SMARCAD1: variants seen among roughly 807,000 people sequenced by gnomAD.
SMARCAD1 encodes SNF2 related chromatin remodeling ATPase with DExD box 1.
In SMARCAD1, 25 loss-of-function variants were observed where a neutral mutation model predicts 127.1. That is an observed-to-expected ratio of 0.20 (90% CI 0.14 to 0.27). The LOEUF (loss-of-function observed/expected upper bound fraction) is 0.27, where lower values mean the gene tolerates loss of function less well. Among genes scored for constraint, SMARCAD1 ranks in the 10% least tolerant of loss-of-function variants. The probability of loss-of-function intolerance (pLI) is 1.00; values close to 1 mark genes in which losing one functional copy is unlikely to be tolerated. For synonymous variants in SMARCAD1, 400 were observed against 396.9 expected (o/e 1.01, Z -0.09); for missense variants, 807 against 1,206.0 (o/e 0.67, Z 4.90).
rs1219577021 is a variant in SMARCAD1 at position 94,290,734 on chromosome 4, A to G, written c.*1200A>G. 9.3e-6 allele frequency: 4 copies of G among 429,530 alleles called. No individual in the cohort carries two copies. Among genetic ancestry groups the G allele is most frequent in the South Asian group, 1.7e-5 (1 of 57,850 alleles). 26.6% of individuals were successfully genotyped at this position (429,530 alleles called of 1,614,324 possible). ...GTCTATATTGCTGTTTTTATTATAC[A>G]TCAGTTTCTTTGTATAACTTGTGAG... On this transcript the variant is annotated 3_prime_UTR_variant, in exon 24 of 24. Transcript: ENST00000354268.
chr4:94,289,301 G>C (rs545859944), intron 23 of SMARCAD1, among the ~76,000 whole-genome samples, 172 bp from the exon 24 acceptor site: 1 of 152,072 alleles, frequency 6.6e-6, no homozygotes, highest in South Asian at 2.1e-4. Context: ...AGAGGAAATA[G>C]CCCTAATCTA....
intron 9 of SMARCAD1, among the ~76,000 whole-genome samples, chr4:94,261,213 C>T (rs1324165963): frequency 6.6e-6 from 1 of 151,546 alleles, no homozygotes; most frequent in Non-Finnish European, 1.5e-5. Context: ...AATATATCCA[C>T]TTAGTATAAT....
At chr4:94,285,131 A>C in intron 23 of SMARCAD1, 62 bp downstream of exon 23, 1 of 1,101,020 alleles carries the variant, frequency 9.1e-7, no homozygotes, top group South Asian at 1.3e-5. Flanking sequence ...CTAATTAGTC[A>C]GTGCAAGAGG....
In SMARCAD1 at chr4:94,208,511, T is replaced by C. The variant is rs1741628925; in HGVS notation, c.117T>C (p.Ser39=). ...GCCCTTCTTCACCAATTTCTCTTAG[T>C]GCTGAAGAGGAGAATGCTGAAGGGG... ...QPGPSSPISL[S]AEEENAEGEV... is the part of the protein sequence containing the mutation. Residue 39 remains serine, a synonymous_variant, in exon 2 of 24, where the codon AGT becomes AGC. Coordinates refer to ENST00000354268, the MANE Select transcript of SMARCAD1 (RefSeq NM_020159.5). The C allele has an allele frequency of 6.2e-7, 1 of 1,614,094 alleles. No homozygotes were observed. The highest frequency in any genetic ancestry group is 2.2e-5 in the East Asian group (1 of 44,882).
intron 8 of SMARCAD1, among the ~76,000 whole-genome samples, chr4:94,252,076 T>G (rs1386861558): frequency 6.6e-6 from 1 of 152,166 alleles, no homozygotes; most frequent in Non-Finnish European, 1.5e-5. Context: ...GGTCTCGAAC[T>G]CCTGACCTTG....
chr4:94,243,101 C>G (rs1747848527), intron 6 of SMARCAD1, among the ~76,000 whole-genome samples: 1 of 152,166 alleles, frequency 6.6e-6, no homozygotes, highest in Non-Finnish European at 1.5e-5. Flanking sequence ...GGATTACAGG[C>G]GTGTGCCACC....
intron 2 of SMARCAD1, among the ~76,000 whole-genome samples, chr4:94,210,763 G>A (rs994231772): frequency 1.3e-5 from 2 of 151,040 alleles, no homozygotes; most frequent in South Asian, 2.1e-4. Context: ...GTGAAACCCC[G>A]TCTCTACTAA....
intron 3 of SMARCAD1, among the ~76,000 whole-genome samples, chr4:94,226,762 T>G (rs1745082825): frequency 6.6e-6 from 1 of 152,106 alleles, no homozygotes; most frequent in South Asian, 2.1e-4. Context: ...ACAGCTTATA[T>G]TCTAGTCAGG....
At chr4:94,229,907 C>T (rs1745575472) in intron 3 of SMARCAD1, among the ~76,000 whole-genome samples, 1 of 151,388 alleles carries the variant, frequency 6.6e-6, no homozygotes, top group Non-Finnish European at 1.5e-5. Context: ...CAGTGAGAAC[C>T]CTGACTTCTA....
chr4:94,290,525 T>G lies in SMARCAD1; in HGVS notation c.*991T>G, dbSNP rs1366178930. The stretch of plus-strand genomic sequence containing the variant: ...TAGGTACTGCATGGAAATAGGTCAT[T>G]AACTTGAAACTCTTATCAAAATATA... On this transcript the variant is annotated 3_prime_UTR_variant, in exon 24 of 24. Coordinates refer to ENST00000354268, the MANE Select transcript of SMARCAD1 (RefSeq NM_020159.5). The G allele has an allele frequency of 4.4e-6, 2 of 454,384 alleles. No homozygotes were observed. The highest frequency in any genetic ancestry group is 8.8e-6 in the Non-Finnish European group (2 of 226,764). 28.1% of individuals were successfully genotyped at this position (454,384 alleles called of 1,614,324 possible).
At chr4:94,283,907 C>A (rs1754469332) in intron 22 of SMARCAD1, among the ~76,000 whole-genome samples, 1 of 152,072 alleles carries the variant, frequency 6.6e-6, no homozygotes, top group African/African-American at 2.4e-5. Context: ...TCAGTTAAGT[C>A]CCAGACAAAC....
chr4:94,269,988 T>TA (rs1752312698), intron 10 of SMARCAD1, among the ~76,000 whole-genome samples: 2 of 152,004 alleles, frequency 1.3e-5, no homozygotes, highest in South Asian at 4.2e-4. Flanking sequence ...AACTCTGCCA[T>TA]ATTACTTTCC....
At chr4:94,221,502 A>G (rs1473160733) in intron 2 of SMARCAD1, among the ~76,000 whole-genome samples, 1 of 152,234 alleles carries the variant, frequency 6.6e-6, no homozygotes, top group African/African-American at 2.4e-5. Context: ...TTCTCCAACT[A>G]CATAACTTTG....
intron 2 of SMARCAD1, among the ~76,000 whole-genome samples, chr4:94,215,821 T>C (rs1032165927): frequency 4.6e-5 from 7 of 152,182 alleles, no homozygotes; most frequent in African/African-American, 1.7e-4. Flanking sequence ...TTGCTTTTTC[T>C]TTATTTTTTA....
intron 5 of SMARCAD1, among the ~76,000 whole-genome samples, chr4:94,239,180 A>G (rs1332831198): frequency 6.6e-6 from 1 of 152,220 alleles, no homozygotes. Flanking sequence ...GAGGTAGTAT[A>G]TAGAATGACA....
chr4:94,269,785 CAGTCTCCTG>C (rs1046334586), intron 10 of SMARCAD1, among the ~76,000 whole-genome samples: 1 of 152,076 alleles, frequency 6.6e-6, no homozygotes, highest in Admixed American at 6.6e-5. Context: ...CCTTCCACCT[CAGTCTCCTG>C]AGTAGCTGGG....
chr4:94,214,265 GTTTT>G (rs11418046), intron 2 of SMARCAD1, among the ~76,000 whole-genome samples: 1 of 131,742 alleles, frequency 7.6e-6, no homozygotes, highest in Non-Finnish European at 1.6e-5. Context: ...GCGTTCTTTT[GTTTT>G]TTTTTTTTTT....
chr4:94,266,785 CTG>C (rs1751789856), intron 10 of SMARCAD1, among the ~76,000 whole-genome samples: 1 of 152,046 alleles, frequency 6.6e-6, no homozygotes, highest in Non-Finnish European at 1.5e-5. Flanking sequence ...TTGCTACAAA[CTG>C]TTGCAAATTT....
intron 6 of SMARCAD1, among the ~76,000 whole-genome samples, 170 bp from the exon 7 acceptor site, chr4:94,249,484 C>T (rs6844517): frequency 0.14 from 21,872 of 151,852 alleles, 1,800 homozygotes; most frequent in Non-Finnish European, 0.19. Context: ...TATTTTTCAT[C>T]CTTAAAGACA....
Sources: gnomAD v4.1 joint callset for allele counts (sites outside exome capture counted in the v4.1 genomes callset) on GRCh38, gnomAD v4.1.1 for gene constraint, MANE v1.5 for transcripts, NCBI Gene and HGNC (gene_info 2026-07-23, HGNC 2026-07-21) for gene names.